Variants in RGL1 observed in about 807,000 individuals in gnomAD.
The protein encoded by RGL1 is ral guanine nucleotide dissociation stimulator-like 1.
Under a neutral mutation model 95.2 loss-of-function variants are expected in RGL1, and 24 were observed. The ratio of observed to expected loss-of-function variants is 0.25; its 90% CI spans 0.18 to 0.35. RGL1 has a LOEUF of 0.35. Among genes scored for constraint, RGL1 ranks in the 10% least tolerant of loss-of-function variants. RGL1 has a pLI of 1.00. For missense variants in RGL1, 715 were observed against 936.3 expected, an observed-to-expected ratio of 0.76 and a Z score of 3.08; for synonymous variants, 329 against 344.9, an observed-to-expected ratio of 0.95 and a Z score of 0.51.
At chr1:183,817,012 T>C in intron 2 of RGL1, among the ~76,000 whole-genome samples, 1 of 152,184 alleles carries the variant, frequency 6.6e-6, no homozygotes, top group South Asian at 2.1e-4. Context: ...TGTTTGAAAA[T>C]GTTCTATTTC....
At chr1:183,864,446 G>C (rs188386781) in intron 3 of RGL1, among the ~76,000 whole-genome samples, 4 of 152,166 alleles carry the variant, frequency 2.6e-5, no homozygotes, top group African/African-American at 4.8e-5. Flanking sequence ...TGCACCCACC[G>C]TAATCTCTCC....
Position 183,724,732 on chromosome 1 carries a change from T to TG in RGL1, c.-32-17388dup, listed in dbSNP as rs901100076. On this transcript the variant is annotated intron_variant, in intron 1 of 18. Coordinates refer to the RGL1 transcript ENST00000304685. The surrounding 1 kb of genome is among the most constrained non-coding windows in gnomAD (Gnocchi z 4.1). ...GGTATCTCTGGACCTGCCTGGGGCC[T>TG]GGGGGGAGCTTGCCATCCTTAAGCG... is the stretch of plus-strand genomic sequence containing the variant. 6.6e-6 allele frequency among the ~76,000 whole-genome samples: 1 copy of TG among 152,082 alleles called. No homozygotes were observed. The highest frequency in any genetic ancestry group is 6.5e-5 in the Admixed American group (1 of 15,272).
intron 13 of RGL1, 101 bp downstream of exon 13, chr1:183,905,072 G>C (rs1193285175): frequency 2.8e-6 from 4 of 1,416,760 alleles, no homozygotes; most frequent in Non-Finnish European, 3.8e-6. Context: ...ACTATTTAGT[G>C]AGCAGCTGCT....
At chr1:183,783,212 TG>T (rs5779185) in intron 2 of RGL1, among the ~76,000 whole-genome samples, 27,104 of 151,328 alleles carry the variant, frequency 0.18, 3,337 homozygotes, top group African/African-American at 0.35. Context: ...GGGTGAGGAG[TG>T]GGGGTTCCCA....
intron 2 of RGL1, among the ~76,000 whole-genome samples, chr1:183,767,008 G>A (rs1659004083): frequency 6.6e-6 from 1 of 151,910 alleles, no homozygotes; most frequent in African/African-American, 2.4e-5. Flanking sequence ...TTGAGACCAG[G>A]AGTTTGAGAC....
At chr1:183,726,553 A>T (rs1656323322) in intron 1 of RGL1, among the ~76,000 whole-genome samples, 1 of 152,146 alleles carries the variant, frequency 6.6e-6, no homozygotes, top group Admixed American at 6.6e-5. Flanking sequence ...TCCTTGAAAG[A>T]CACAATCAAA....
intron 1 of RGL1, among the ~76,000 whole-genome samples, chr1:183,650,339 G>T (rs1392243540): frequency 6.6e-6 from 1 of 152,056 alleles, no homozygotes. Flanking sequence ...GTCAGGAGAT[G>T]GAGACAATCC....
chr1:183,793,147 C>G (rs574992880), intron 2 of RGL1, among the ~76,000 whole-genome samples: 26 of 152,172 alleles, frequency 1.7e-4, no homozygotes, highest in African/African-American at 6.0e-4. Context: ...TCCCTACAGC[C>G]AACTGGCTTT....
At chr1:183,867,154 A>C (rs182656990) in intron 4 of RGL1, among the ~76,000 whole-genome samples, 11 of 152,242 alleles carry the variant, frequency 7.2e-5, no homozygotes, top group African/African-American at 2.6e-4. Context: ...TGGAGGTATA[A>C]ATTTGGATGT....
At chr1:183,743,040 C>G (rs1657408922) in intron 2 of RGL1, among the ~76,000 whole-genome samples, 1 of 152,046 alleles carries the variant, frequency 6.6e-6, no homozygotes, top group Non-Finnish European at 1.5e-5. Flanking sequence ...GAGACAGGAT[C>G]TTGCTCTTCT....
At chr1:183,698,850 G>A (rs188889905) in intron 1 of RGL1, among the ~76,000 whole-genome samples, 20 of 152,276 alleles carry the variant, frequency 1.3e-4, no homozygotes, top group South Asian at 2.1e-4. Context: ...ACTTGGTCAC[G>A]TTGTGAATGA....
chr1:183,713,270 T>C (rs767119514), intron 1 of RGL1, among the ~76,000 whole-genome samples: 12 of 151,190 alleles, frequency 7.9e-5, no homozygotes, highest in Non-Finnish European at 1.5e-4. Context: ...AGGTGATCCT[T>C]GGCCTCCTGA....
At chr1:183,661,170 A>T (rs1651593024) in intron 1 of RGL1, among the ~76,000 whole-genome samples, 1 of 152,220 alleles carries the variant, frequency 6.6e-6, no homozygotes, top group African/African-American at 2.4e-5. Flanking sequence ...GAGCAAAGAC[A>T]TTCAAAAGCT....
intron 2 of RGL1, among the ~76,000 whole-genome samples, chr1:183,797,688 A>G (rs766414849): frequency 5.3e-5 from 8 of 152,344 alleles, no homozygotes; most frequent in African/African-American, 1.9e-4. Context: ...TTAACCAAAC[A>G]TGACTGGCTC....
chr1:183,714,428 AGAAACACCCAATGCCACAAAATCACT>A lies in RGL1; in HGVS notation c.-32-27693_-32-27668del, dbSNP rs1247614984. ...CTATTCTAGCTTTGCCAGCATGCAC[AGAAACACCCAATGCCACAAAATCACT>A]GAAATGAGACTCACACACCAGGATT... is the stretch of plus-strand genomic sequence containing the variant. On this transcript the variant is annotated intron_variant, in intron 1 of 18. Coordinates refer to the RGL1 transcript ENST00000304685. Among the ~76,000 whole-genome samples the A allele has an allele frequency of 6.6e-5, 10 of 152,246 alleles. No homozygotes were observed. The East Asian group carries it at 1.5e-3, about 23-fold the overall frequency.
chr1:183,678,962 A>G (rs1558149317), intron 1 of RGL1, among the ~76,000 whole-genome samples: 1 of 152,194 alleles, frequency 6.6e-6, no homozygotes, highest in Non-Finnish European at 1.5e-5. Context: ...TAACACCTCC[A>G]GCTTTTAAGT....
chr1:183,912,825 G>A (rs1042878314), intron 15 of RGL1, among the ~76,000 whole-genome samples: 1 of 152,180 alleles, frequency 6.6e-6, no homozygotes, highest in Non-Finnish European at 1.5e-5. Flanking sequence ...ATGCTAAGAC[G>A]GACAAGCAAG....
At chr1:183,740,949 A>G (rs1657260436) in intron 1 of RGL1, among the ~76,000 whole-genome samples, 2 of 152,214 alleles carry the variant, frequency 1.3e-5, no homozygotes, top group African/African-American at 4.8e-5. Flanking sequence ...ATATAATAAA[A>G]TGTTACAGGT....
At chr1:183,708,005 C>T (rs570715406) in intron 1 of RGL1, among the ~76,000 whole-genome samples, 95 of 152,228 alleles carry the variant, frequency 6.2e-4, no homozygotes, top group African/African-American at 1.8e-3. Context: ...AGGAATTTCT[C>T]CCCATTTCTC....
Sources: gnomAD v4.1 joint callset for allele counts (sites outside exome capture counted in the v4.1 genomes callset) on GRCh38, gnomAD v4.1.1 for gene constraint, Gnocchi (gnomAD v3.1) non-coding constraint, MANE v1.5 for transcripts, NCBI Gene and HGNC (gene_info 2026-07-23, HGNC 2026-07-21) for gene names.